PDE7B: variants seen among roughly 807,000 people sequenced by gnomAD.
The protein encoded by PDE7B is 3',5'-cyclic-AMP phosphodiesterase 7B.
Under a neutral mutation model 56.2 loss-of-function variants are expected in PDE7B, and 29 were observed. The ratio of observed to expected loss-of-function variants is 0.52; its 90% CI spans 0.38 to 0.70. The LOEUF (loss-of-function observed/expected upper bound fraction) is 0.70. Ranked by LOEUF, PDE7B falls within the 30% of genes least tolerant of loss-of-function variation. PDE7B has a pLI of 0.00. For missense variants in PDE7B, 490 were observed against 565.0 expected (o/e 0.87, Z 1.35); for synonymous variants, 197 against 196.9 (o/e 1.00, Z 0.00).
intron 2 of PDE7B, among the ~76,000 whole-genome samples, chr6:135,996,674 C>A (rs1161335405): frequency 6.6e-6 from 1 of 152,184 alleles, no homozygotes; most frequent in Non-Finnish European, 1.5e-5. Flanking sequence ...AAATGCTAAA[C>A]AGCAGAAATA....
rs1300704769 is a variant in PDE7B at position 136,179,021 on chromosome 6, C to G, written c.828C>G (p.Gly276=). 3.1e-6 allele frequency: 5 copies of G among 1,614,124 alleles called. No homozygotes were observed. The highest frequency in any genetic ancestry group is 4.2e-6 in the Non-Finnish European group (5 of 1,179,974). ...EMTQDIEQQL[G]SLILATDINR... is the part of the protein sequence containing the mutation. Reference sequence around the variant, plus strand: ...GACAGGATATTGAACAGCAGCTGGGCTCCTTGATCTTGGCAACAGACATCA... The same window carrying G: ...GACAGGATATTGAACAGCAGCTGGGGTCCTTGATCTTGGCAACAGACATCA... The change falls in exon 10 of 13, where the codon GGC becomes GGG. Residue 276 remains glycine, a synonymous_variant. Coordinates refer to ENST00000308191, the MANE Select transcript of PDE7B (RefSeq NM_018945.4).
intron 3 of PDE7B, among the ~76,000 whole-genome samples, chr6:136,133,146 C>A (rs1564441): frequency 0.8 from 121,368 of 151,960 alleles, 49,282 homozygotes; most frequent in African/African-American, 0.95. Context: ...CTTTCTAAAG[C>A]ATAAAGCATA....
At chr6:136,017,039 A>T (rs959642365) in intron 2 of PDE7B, among the ~76,000 whole-genome samples, 1 of 152,152 alleles carries the variant, frequency 6.6e-6, no homozygotes, top group Non-Finnish European at 1.5e-5. Flanking sequence ...TGCTGACACA[A>T]AAGCTTTGAA....
intron 2 of PDE7B, among the ~76,000 whole-genome samples, chr6:135,954,286 A>T (rs924568568): frequency 6.6e-6 from 1 of 152,106 alleles, no homozygotes; most frequent in African/African-American, 2.4e-5. Flanking sequence ...AGCCCCTAAG[A>T]GGAACTCACT....
chr6:135,927,791 G>A (rs76984965), intron 1 of PDE7B, among the ~76,000 whole-genome samples: 8,101 of 152,190 alleles, frequency 0.053, 287 homozygotes, highest in Non-Finnish European at 0.085. Flanking sequence ...TGACAGGTGG[G>A]ACCTAATTAA....
intron 2 of PDE7B, among the ~76,000 whole-genome samples, chr6:135,973,505 G>C (rs866582554): frequency 6.6e-6 from 1 of 152,112 alleles, no homozygotes; most frequent in African/African-American, 2.4e-5. Flanking sequence ...TGGGGTTGCA[G>C]GATAGTATTA....
chr6:136,192,140 T>C lies in PDE7B; in HGVS notation c.*300T>C, dbSNP rs894250475. 5 of 420,366 alleles carry C rather than the reference T, an allele frequency of 1.2e-5. No homozygotes were observed. The highest frequency in any genetic ancestry group is 8.0e-5 in the African/African-American group (4 of 49,834). 26.0% of individuals were successfully genotyped at this position (420,366 alleles called of 1,614,324 possible). A position where few individuals can be genotyped will look rare whatever the true frequency, so the allele number is the denominator to read the frequency against. On this transcript the variant is annotated 3_prime_UTR_variant, in exon 13 of 13. Coordinates refer to ENST00000308191, the MANE Select transcript of PDE7B (RefSeq NM_018945.4). ...ACTAGGAGGAAGAATGAGGTGCTCC[T>C]GCCGTGTCCGCCTTGTTCCGGGTCG...
At chr6:136,175,506 G>T (rs1778963090) in intron 9 of PDE7B, among the ~76,000 whole-genome samples, 1 of 152,100 alleles carries the variant, frequency 6.6e-6, no homozygotes, top group South Asian at 2.1e-4. Context: ...CTGCCATCCA[G>T]GTATAGTTCA....
At chr6:136,013,184 T>C (rs772306770) in intron 2 of PDE7B, among the ~76,000 whole-genome samples, 24 of 152,202 alleles carry the variant, frequency 1.6e-4, no homozygotes, top group Non-Finnish European at 3.4e-4. Context: ...ATGTAGTCAC[T>C]TCTCTAAGAC....
intron 2 of PDE7B, among the ~76,000 whole-genome samples, chr6:136,089,016 G>T (rs1414528741): frequency 6.6e-6 from 1 of 151,866 alleles, no homozygotes; most frequent in Non-Finnish European, 1.5e-5. Flanking sequence ...AGAAACACGG[G>T]GAACTATCAG....
chr6:135,906,827 T>TTTTTTTTTTTTTTTTTTTTTTG (rs1554265693), intron 1 of PDE7B, among the ~76,000 whole-genome samples: 10 of 133,452 alleles, frequency 7.5e-5, no homozygotes, highest in Non-Finnish European at 1.3e-4. Context: ...TTTTTTTTTT[T>TTTTTTTTTTTTTTTTTTTTTTG]TTTTTTTTTA....
chr6:136,134,349 A>T (rs1778171941), intron 3 of PDE7B, among the ~76,000 whole-genome samples: 1 of 152,170 alleles, frequency 6.6e-6, no homozygotes, highest in African/African-American at 2.4e-5. Context: ...GAGTTAATGC[A>T]GCAGTTTTTA....
intron 2 of PDE7B, among the ~76,000 whole-genome samples, chr6:136,092,411 G>A (rs1405163650): frequency 6.6e-6 from 1 of 152,146 alleles, no homozygotes; most frequent in Admixed American, 6.5e-5. Context: ...CTGGAAAAAG[G>A]CAAAAATTGT....
chr6:135,989,013 A>G (rs535603546), intron 2 of PDE7B, among the ~76,000 whole-genome samples: 1 of 152,354 alleles, frequency 6.6e-6, no homozygotes, highest in South Asian at 2.1e-4. Flanking sequence ...TTTCTACACT[A>G]TAGTCCACTG....
intron 2 of PDE7B, among the ~76,000 whole-genome samples, chr6:135,989,339 C>T (rs1353355668): frequency 2.0e-5 from 3 of 152,220 alleles, no homozygotes; most frequent in South Asian, 2.1e-4. Context: ...CAGGGCCGAG[C>T]GCGATGGCTC....
chr6:135,951,238 A>G (rs572235758), intron 2 of PDE7B, among the ~76,000 whole-genome samples: 2 of 152,280 alleles, frequency 1.3e-5, no homozygotes, highest in East Asian at 1.9e-4. Flanking sequence ...AAATTTAGCC[A>G]TAAGATTTCA....
At chr6:136,157,614 A>G (rs995843785) in intron 8 of PDE7B, among the ~76,000 whole-genome samples, 6 of 152,208 alleles carry the variant, frequency 3.9e-5, no homozygotes, top group Non-Finnish European at 8.8e-5. Flanking sequence ...TAAGTGATCT[A>G]AAGTGTGAGA....
intron 2 of PDE7B, among the ~76,000 whole-genome samples, chr6:136,074,230 CAAAA>C (rs11339717): frequency 8.3e-6 from 1 of 120,328 alleles, no homozygotes; most frequent in African/African-American, 3.0e-5. Flanking sequence ...GACCTTGTCT[CAAAA>C]AAAAAAAAAG....
chr6:135,945,449 T>G (rs1362675926), intron 1 of PDE7B, among the ~76,000 whole-genome samples: 2 of 150,884 alleles, frequency 1.3e-5, no homozygotes, highest in Non-Finnish European at 2.9e-5. Flanking sequence ...AAAGCAGCTT[T>G]CTTTCTTTTC....
Sources: allele counts gnomAD v4.1 joint callset (sites outside exome capture counted in the v4.1 genomes callset), GRCh38; gene constraint gnomAD v4.1.1; transcripts MANE v1.5; gene names NCBI Gene and HGNC (gene_info 2026-07-23, HGNC 2026-07-21).